MYO16: variants seen among roughly 807,000 people sequenced by gnomAD.
MYO16 encodes unconventional myosin-XVI.
In MYO16, 94 loss-of-function variants were observed where a neutral mutation model predicts 205.3. The observed-to-expected ratio is 0.46, with a 90% CI of 0.39 to 0.54. The LOEUF (loss-of-function observed/expected upper bound fraction) is 0.54. Among genes scored for constraint, MYO16 ranks in the 20% least tolerant of loss-of-function variants. MYO16 has a pLI of 0.00. For missense variants in MYO16, 2,315 were observed against 2,387.5 expected, an observed-to-expected ratio of 0.97 and a Z score of 0.63; for synonymous variants, 988 against 954.0, an observed-to-expected ratio of 1.04 and a Z score of -0.66.
intron 11 of MYO16, among the ~76,000 whole-genome samples, chr13:108,860,825 C>A (rs1262766577): frequency 6.6e-6 from 1 of 152,002 alleles, no homozygotes; most frequent in Non-Finnish European, 1.5e-5. Context: ...AATGTAAAAC[C>A]CAAAACTATA....
intron 1 of MYO16, among the ~76,000 whole-genome samples, chr13:108,601,515 A>G (rs1273475966): frequency 6.6e-6 from 1 of 151,922 alleles, no homozygotes; most frequent in Non-Finnish European, 1.5e-5. Context: ...TGGGGACTAG[A>G]CAGTTTATTT....
the MYO16 span, among the ~76,000 whole-genome samples, chr13:108,555,878 T>G: frequency 7.8e-4 from 119 of 152,332 alleles, no homozygotes; most frequent in African/African-American, 2.5e-3. Flanking sequence ...TATATTTCAC[T>G]TACCATAATG....
chr13:108,650,557 C>G (rs918401535), intron 1 of MYO16, among the ~76,000 whole-genome samples: 10 of 152,266 alleles, frequency 6.6e-5, no homozygotes, highest in African/African-American at 2.4e-4. Flanking sequence ...GCAGAAAGAT[C>G]GTTCAACATT....
At chr13:108,794,749 T>G (rs1886731790) in intron 6 of MYO16, among the ~76,000 whole-genome samples, 1 of 151,992 alleles carries the variant, frequency 6.6e-6, no homozygotes, top group African/African-American at 2.4e-5. Flanking sequence ...CAGAAAGAAA[T>G]GTAAGACCCA....
chr13:108,575,139 C>A, the MYO16 span, among the ~76,000 whole-genome samples: 1 of 152,268 alleles, frequency 6.6e-6, no homozygotes, highest in Admixed American at 6.5e-5. Flanking sequence ...CCTATGATGA[C>A]CTTTGAATCC....
chr13:108,862,363 C>T (rs992992303), intron 11 of MYO16, among the ~76,000 whole-genome samples: 1 of 152,094 alleles, frequency 6.6e-6, no homozygotes, highest in Non-Finnish European at 1.5e-5. Flanking sequence ...ATTTCAGCAT[C>T]CAGGATTATG....
At chr13:108,965,365 G>A (rs1333309005) in intron 20 of MYO16, among the ~76,000 whole-genome samples, 1 of 152,036 alleles carries the variant, frequency 6.6e-6, no homozygotes, top group Non-Finnish European at 1.5e-5. Flanking sequence ...TGGATAGAGG[G>A]TCTCTATGGT....
intron 4 of MYO16, among the ~76,000 whole-genome samples, chr13:108,736,831 T>A (rs978230884): frequency 3.3e-5 from 5 of 152,248 alleles, no homozygotes; most frequent in Non-Finnish European, 7.3e-5. Flanking sequence ...CAGTGGTTTG[T>A]AGTTCTCCTT....
At chr13:108,692,260 A>AT (rs1483416235) in intron 2 of MYO16, among the ~76,000 whole-genome samples, 7 of 152,172 alleles carry the variant, frequency 4.6e-5, no homozygotes, top group Non-Finnish European at 7.3e-5. Flanking sequence ...TATTTCCTTG[A>AT]TTTTTCATGA....
the MYO16 span, among the ~76,000 whole-genome samples, chr13:108,558,359 A>G: frequency 6.6e-6 from 1 of 152,136 alleles, no homozygotes; most frequent in African/African-American, 2.4e-5. Context: ...AGGGCTTGGC[A>G]CATCAAGAGG....
chr13:109,052,543 TA>T (rs371338013), intron 25 of MYO16, 68 bp downstream of exon 25: 215 of 1,197,632 alleles, frequency 1.8e-4, no homozygotes, highest in Non-Finnish European at 1.8e-4. Context: ...TCTTTTTTTT[TA>T]AAAAAAAGCA....
intron 3 of MYO16, among the ~76,000 whole-genome samples, chr13:108,720,669 G>A (rs958182603): frequency 6.6e-6 from 1 of 152,110 alleles, no homozygotes; most frequent in Non-Finnish European, 1.5e-5. Flanking sequence ...ATGTTTCCTA[G>A]TAATTATTTC....
At chr13:108,853,954 T>TTTTGTG (rs1555305767) in intron 10 of MYO16, among the ~76,000 whole-genome samples, 1 of 138,500 alleles carries the variant, frequency 7.2e-6, no homozygotes, top group African/African-American at 2.7e-5. Context: ...GTTTCTATTA[T>TTTTGTG]TGTGTGTGTG....
chr13:108,561,720 T>C, the MYO16 span, among the ~76,000 whole-genome samples: 3 of 152,240 alleles, frequency 2.0e-5, no homozygotes, highest in Admixed American at 6.5e-5. Flanking sequence ...TATTCTTATT[T>C]GTAAGCCCAT....
intron 12 of MYO16, among the ~76,000 whole-genome samples, chr13:108,872,548 GATACA>G (rs1417689499): frequency 6.6e-6 from 1 of 151,668 alleles, no homozygotes; most frequent in African/African-American, 2.4e-5. Flanking sequence ...GTAAGAATAA[GATACA>G]ATACATTGAG....
intron 16 of MYO16, among the ~76,000 whole-genome samples, chr13:108,954,680 G>A (rs1281021086): frequency 6.6e-6 from 1 of 152,128 alleles, no homozygotes; most frequent in East Asian, 1.9e-4. Context: ...AGGCAGAGCT[G>A]CACTGAGTTG....
intron 27 of MYO16, among the ~76,000 whole-genome samples, chr13:109,081,892 G>A (rs1336718069): frequency 1.3e-5 from 2 of 152,080 alleles, no homozygotes; most frequent in Middle Eastern, 3.2e-3. Context: ...GCTAGATCAG[G>A]GGTTGGCAAA....
At chr13:108,808,510 G>A (rs368331875) in intron 7 of MYO16, among the ~76,000 whole-genome samples, 1 of 151,498 alleles carries the variant, frequency 6.6e-6, no homozygotes, top group Non-Finnish European at 1.5e-5. Flanking sequence ...ACAGGGTTTC[G>A]CTATGTTGCC....
At position 109,140,477 on chromosome 13, in the gene MYO16, C is replaced by A; in HGVS notation, c.4265C>A (p.Ala1422Glu). The change falls in exon 32 of 35, where the codon GCG becomes GAG. Residue 1422 changes from alanine (A) to glutamate (E), a missense_variant. By Grantham distance (107) the Ala-to-Glu change is moderately radical. Transcript: ENST00000457511. The surrounding 1 kb of genome is among the most constrained non-coding windows in gnomAD (Gnocchi z 8.0). ...CCGCAGTGCGCGCTGCCCCCGGCGGCGCCTCCGGGTGACGAGGACGACAGC... is the reference window on the plus strand; with the variant it reads ...CCGCAGTGCGCGCTGCCCCCGGCGGAGCCTCCGGGTGACGAGGACGACAGC... ...GTPQCALPPA[A>E]PPGDEDDSEP... is the part of the protein sequence containing the mutation. The A allele has an allele frequency of 6.5e-7, 1 of 1,537,944 alleles. No homozygotes were observed. Among genetic ancestry groups the A allele is most frequent in the South Asian group, 1.2e-5 (1 of 84,414 alleles).
Sources: allele counts gnomAD v4.1 joint callset (sites outside exome capture counted in the v4.1 genomes callset), GRCh38; gene constraint gnomAD v4.1.1; non-coding constraint Gnocchi (gnomAD v3.1); transcripts MANE v1.5; gene names NCBI Gene and HGNC (gene_info 2026-07-23, HGNC 2026-07-21).